ATP8A2: variants seen among roughly 807,000 people sequenced by gnomAD.
ATP8A2 encodes the protein phospholipid-transporting ATPase IB.
Under a neutral mutation model 165.6 loss-of-function variants are expected in ATP8A2, and 100 were observed. The observed-to-expected ratio is 0.60, with a 90% CI of 0.51 to 0.71. The LOEUF is 0.71. Ranked by LOEUF, ATP8A2 falls within the 30% of genes least tolerant of loss-of-function variation. The pLI is 0.00. For missense variants in ATP8A2, 1,227 were observed against 1,479.5 expected, an observed-to-expected ratio of 0.83 and a Z score of 2.80; for synonymous variants, 543 against 548.8, an observed-to-expected ratio of 0.99 and a Z score of 0.15.
chr13:25,488,328 TC>T (rs1183607050), intron 2 of ATP8A2, among the ~76,000 whole-genome samples: 1 of 152,198 alleles, frequency 6.6e-6, no homozygotes, highest in Non-Finnish European at 1.5e-5. Context: ...TCCCTGTTCT[TC>T]CTCCCCGTGC....
chr13:25,967,341 G>A (rs1231218763), intron 34 of ATP8A2, among the ~76,000 whole-genome samples: 1 of 152,198 alleles, frequency 6.6e-6, no homozygotes, highest in African/African-American at 2.4e-5. Context: ...GGGAAAGGAT[G>A]ACAGGGGCAT....
intron 24 of ATP8A2, among the ~76,000 whole-genome samples, chr13:25,645,275 A>G (rs1329334911): frequency 6.6e-6 from 1 of 152,172 alleles, no homozygotes; most frequent in African/African-American, 2.4e-5. Flanking sequence ...TTGTGAGACT[A>G]TTCAGTATCA....
At chr13:25,882,066 G>A (rs1457658307) in intron 33 of ATP8A2, among the ~76,000 whole-genome samples, 1 of 152,198 alleles carries the variant, frequency 6.6e-6, no homozygotes, top group Non-Finnish European at 1.5e-5. Context: ...ATTTGAGGCA[G>A]GAATGTGTGT....
chr13:25,401,557 C>CT (rs551993807), intron 1 of ATP8A2, among the ~76,000 whole-genome samples: 5,765 of 151,750 alleles, frequency 0.038, 185 homozygotes, highest in Non-Finnish European at 0.046. Flanking sequence ...TCAAGCTGTT[C>CT]TTTTTTTTAG....
Position 25,559,743 on chromosome 13 carries a change from G to A in ATP8A2, c.1375G>A (p.Glu459Lys). 2 of 1,613,634 alleles carry A rather than the reference G, an allele frequency of 1.2e-6. No homozygotes were observed. The highest frequency in any genetic ancestry group is 1.7e-6 in the Non-Finnish European group (2 of 1,179,612). Residue 459 changes from glutamate (E) to lysine (K), a missense_variant, in exon 15 of 37, where the codon GAG (glutamate) becomes AAG (lysine). This residue lies in a region of ATP8A2 where 592 missense variants were observed against 785.6 expected (regional missense o/e 0.75). Coordinates refer to ENST00000381655, the MANE Select transcript of ATP8A2 (RefSeq NM_016529.6). Reference protein sequence around the residue: ...TYGHFPELAREPSSDDFCRMP... With the variant: ...TYGHFPELARKPSSDDFCRMP... The stretch of plus-strand genomic sequence containing the variant: ...CAGTCACTTCCCAGAATTGGCAAGA[G>A]AGCCGTCTTCAGATGACTTCTGGTA...
At chr13:25,737,533 T>G (rs2043799160) in intron 25 of ATP8A2, among the ~76,000 whole-genome samples, 2 of 152,162 alleles carry the variant, frequency 1.3e-5, no homozygotes, top group Admixed American at 6.5e-5. Context: ...AGGGTCACAC[T>G]CTATCACCCA....
chr13:25,498,892 C>T (rs145563017), intron 2 of ATP8A2, among the ~76,000 whole-genome samples: 40 of 152,262 alleles, frequency 2.6e-4, no homozygotes, highest in African/African-American at 9.6e-4. Context: ...ATGCTTTTAG[C>T]CACTGTGCTT....
rs1055364218 is a variant in ATP8A2 at position 25,889,889 on chromosome 13, G to A, written c.3183+27481G>A. ...ACTTTAAAAACAAATTTGGCCGGGC[G>A]CGGTGGTTCACGCCTGTAATCCCAG... On this transcript the variant is annotated intron_variant, in intron 33 of 36. Transcript: ENST00000381655. Among the ~76,000 whole-genome samples the A allele has an allele frequency of 3.9e-5, 6 of 151,920 alleles. 1 individual carries two copies. In the East Asian group the frequency reaches 5.8e-4, roughly 15 times the overall value.
At chr13:25,399,484 C>T (rs1299389526) in intron 1 of ATP8A2, among the ~76,000 whole-genome samples, 6 of 128,710 alleles carry the variant, frequency 4.7e-5, no homozygotes, top group Admixed American at 3.4e-4. Flanking sequence ...CTGCAAGCTC[C>T]GCCTCCTGGG....
intron 24 of ATP8A2, among the ~76,000 whole-genome samples, chr13:25,675,752 G>T (rs1186523142): frequency 6.6e-6 from 1 of 152,166 alleles, no homozygotes; most frequent in African/African-American, 2.4e-5. Flanking sequence ...GGTTGTGCCG[G>T]TGTTCATGGG....
intron 33 of ATP8A2, among the ~76,000 whole-genome samples, chr13:25,959,636 T>C (rs759323817): frequency 6.6e-6 from 1 of 152,208 alleles, no homozygotes; most frequent in Non-Finnish European, 1.5e-5. Context: ...AGATCCTCTA[T>C]GAGATGTTAT....
At chr13:25,455,191 C>T (rs1405360469) in intron 1 of ATP8A2, among the ~76,000 whole-genome samples, 1 of 152,208 alleles carries the variant, frequency 6.6e-6, no homozygotes, top group Non-Finnish European at 1.5e-5. Flanking sequence ...GTGGCCCAGC[C>T]TCTGACTGTC....
chr13:25,844,341 C>T (rs1335116629), intron 30 of ATP8A2, among the ~76,000 whole-genome samples: 3 of 152,070 alleles, frequency 2.0e-5, no homozygotes, highest in East Asian at 3.9e-4. Flanking sequence ...AGTGATTCTC[C>T]TGCCTCAGCC....
intron 24 of ATP8A2, among the ~76,000 whole-genome samples, chr13:25,599,430 C>T (rs952113093): frequency 6.6e-6 from 1 of 152,210 alleles, no homozygotes; most frequent in Non-Finnish European, 1.5e-5. Context: ...CCTGTGTTGC[C>T]TGTTATCCAG....
chr13:25,508,238 G>A (rs1048251283), intron 2 of ATP8A2, among the ~76,000 whole-genome samples: 21 of 152,274 alleles, frequency 1.4e-4, no homozygotes, highest in African/African-American at 4.8e-4. Flanking sequence ...AAGACATTAG[G>A]TAGGAACTTA....
Position 25,646,374 on chromosome 13 carries a change from G to C in ATP8A2, c.2212-52799G>C, listed in dbSNP as rs1226232580. Among the ~76,000 whole-genome samples the C allele has an allele frequency of 3.3e-5, 5 of 152,152 alleles. No individual in the cohort carries two copies. The East Asian group carries it at 9.7e-4, about 29-fold the overall frequency. On this transcript the variant is annotated intron_variant, in intron 24 of 36. Coordinates refer to ENST00000381655, the MANE Select transcript of ATP8A2 (RefSeq NM_016529.6). ...CCTTTAAAAAAAGCATTTAGGGCTGGGCAAGGTGGCTCACACCTGTAATCC... is the reference window on the plus strand; with the variant it reads ...CCTTTAAAAAAAGCATTTAGGGCTGCGCAAGGTGGCTCACACCTGTAATCC...
At chr13:25,632,487 G>T (rs545753156) in intron 24 of ATP8A2, among the ~76,000 whole-genome samples, 1 of 152,328 alleles carries the variant, frequency 6.6e-6, no homozygotes, top group Non-Finnish European at 1.5e-5. Flanking sequence ...TCACTCTTGA[G>T]ATTCCAAAGG....
At chr13:25,442,055 A>C (rs765154101) in intron 1 of ATP8A2, among the ~76,000 whole-genome samples, 5 of 152,244 alleles carry the variant, frequency 3.3e-5, no homozygotes, top group Non-Finnish European at 7.3e-5. Context: ...ATGTGGAAGC[A>C]CGTGTCAGAA....
intron 27 of ATP8A2, among the ~76,000 whole-genome samples, chr13:25,811,105 G>A (rs1566162390): frequency 1.3e-5 from 2 of 151,868 alleles, no homozygotes; most frequent in Non-Finnish European, 2.9e-5. Flanking sequence ...AAAAGATCCT[G>A]TCATCTTAAC....
Sources: gnomAD v4.1 joint callset for allele counts (sites outside exome capture counted in the v4.1 genomes callset) on GRCh38, gnomAD v4.1.1 for gene constraint, gnomAD v4.1.1 regional missense constraint, MANE v1.5 for transcripts, NCBI Gene and HGNC (gene_info 2026-07-23, HGNC 2026-07-21) for gene names.